Variants in GLRB observed in about 807,000 individuals in gnomAD.
GLRB encodes glycine receptor subunit beta.
Under a neutral mutation model 54.2 loss-of-function variants are expected in GLRB, and 33 were observed. The observed-to-expected ratio is 0.61, with a 90% CI of 0.46 to 0.81. GLRB has a LOEUF of 0.81. GLRB is among the 40% of genes least tolerant of loss of function. The probability of loss-of-function intolerance (pLI) is 0.00; values close to 1 mark genes in which losing one functional copy is unlikely to be tolerated. For missense variants in GLRB, 572 were observed against 584.6 expected (o/e 0.98, Z 0.22); for synonymous variants, 209 against 208.2 (o/e 1.00, Z -0.03).
intron 8 of GLRB, among the ~76,000 whole-genome samples, chr4:157,150,054 T>C (rs1246241009): frequency 6.6e-6 from 1 of 152,082 alleles, no homozygotes; most frequent in African/African-American, 2.4e-5. Context: ...ATTGAGATGA[T>C]TTTGTCATTA....
intron 9 of GLRB, among the ~76,000 whole-genome samples, chr4:157,154,670 G>A (rs764992840): frequency 4.0e-5 from 6 of 151,894 alleles, no homozygotes; most frequent in African/African-American, 9.7e-5. Context: ...CAGGTGATCC[G>A]CCCACATTGG....
At chr4:157,090,704 G>T (rs893191127) in intron 2 of GLRB, among the ~76,000 whole-genome samples, 1 of 152,020 alleles carries the variant, frequency 6.6e-6, no homozygotes, top group Admixed American at 6.6e-5. Context: ...AATTGTGATT[G>T]ATTTTATAAC....
chr4:157,168,953 C>A (rs1737818030), intron 9 of GLRB, among the ~76,000 whole-genome samples: 1 of 151,906 alleles, frequency 6.6e-6, no homozygotes, highest in African/African-American at 2.4e-5. Context: ...TTTTTGCTAT[C>A]CACCTTTGAA....
chr4:157,119,398 G>A (rs554194159), intron 2 of GLRB, among the ~76,000 whole-genome samples: 2 of 151,590 alleles, frequency 1.3e-5, no homozygotes, highest in Admixed American at 6.6e-5. Flanking sequence ...TTGTTTTTGT[G>A]TTGGCAGGCT....
chr4:157,079,201 G>A (rs1041202415), intron 2 of GLRB, among the ~76,000 whole-genome samples: 1 of 152,096 alleles, frequency 6.6e-6, no homozygotes, highest in African/African-American at 2.4e-5. Context: ...TGCAATATAT[G>A]CAGTGATTTG....
intron 2 of GLRB, among the ~76,000 whole-genome samples, chr4:157,082,060 G>A (rs1300699303): frequency 6.6e-6 from 1 of 151,928 alleles, no homozygotes; most frequent in Non-Finnish European, 1.5e-5. Flanking sequence ...CTTCTTTTTA[G>A]TTAGCCTGTG....
rs918143599 is a variant in GLRB at position 157,129,471 on chromosome 4, T to C, written c.298-6998T>C. Among the ~76,000 whole-genome samples, 4 of 151,814 alleles carry C rather than the reference T, an allele frequency of 2.6e-5. No individual in the cohort carries two copies. The South Asian group carries it at 6.2e-4, about 24-fold the overall frequency. ...TAATGAGCTTTTATCTTTTCATGAA[T>C]GTTCAACACAAACTATTAACTTAAA... On this transcript the variant is annotated intron_variant, in intron 4 of 9. Coordinates refer to ENST00000264428, the MANE Select transcript of GLRB (RefSeq NM_000824.5).
At chr4:157,170,049 T>A (rs561133807) in intron 9 of GLRB, among the ~76,000 whole-genome samples, 12 of 152,168 alleles carry the variant, frequency 7.9e-5, no homozygotes, top group Non-Finnish European at 1.5e-4. Flanking sequence ...AGAACATTTT[T>A]ATAATCCATA....
At chr4:157,152,010 G>A (rs562633390) in intron 8 of GLRB, among the ~76,000 whole-genome samples, 54 of 152,316 alleles carry the variant, frequency 3.5e-4, no homozygotes, top group African/African-American at 1.2e-3. Flanking sequence ...GAAAAAGAGA[G>A]AGGAATGGCA....
At chr4:157,084,669 G>C (rs908177358) in intron 2 of GLRB, 10 of 456,060 alleles carry the variant, frequency 2.2e-5, no homozygotes, top group African/African-American at 2.0e-4. Flanking sequence ...TTCAGAGAGA[G>C]ATTGTACCAT....
chr4:157,154,496 C>T (rs1199808760), intron 9 of GLRB, among the ~76,000 whole-genome samples: 2 of 133,880 alleles, frequency 1.5e-5, no homozygotes, highest in Admixed American at 8.4e-5. Flanking sequence ...GGCGTGATCT[C>T]GGCTCACCGC....
chr4:157,152,942 G>C lies in GLRB; in HGVS notation c.1129G>C (p.Gly377Arg). The C allele has an allele frequency of 6.2e-7, 1 of 1,613,974 alleles. No homozygotes were observed. The highest frequency in any genetic ancestry group is 8.5e-7 in the Non-Finnish European group (1 of 1,179,930). Reference sequence around the variant, plus strand: ...TAAGGCTGAGCAAGCAGATGGAAAAGGTGGAAATGTGGCTAAAAAGAATAC... The same window carrying C: ...TAAGGCTGAGCAAGCAGATGGAAAACGTGGAAATGTGGCTAAAAAGAATAC... Reference protein sequence around the residue: ...IAKAEQADGKGGNVAKKNTVN... With the variant: ...IAKAEQADGKRGNVAKKNTVN... The change falls in exon 9 of 10, where the codon GGT (glycine) becomes CGT (arginine). Residue 377 changes from glycine (G) to arginine (R), a missense_variant. Coordinates refer to ENST00000264428, the MANE Select transcript of GLRB (RefSeq NM_000824.5).
At chr4:157,123,011 G>C (rs954877474) in intron 4 of GLRB, among the ~76,000 whole-genome samples, 5 of 151,688 alleles carry the variant, frequency 3.3e-5, no homozygotes, top group African/African-American at 9.7e-5. Context: ...GAGAGGTTTG[G>C]CTGTTGTCCA....
At chr4:157,130,924 G>T (rs964488886) in intron 4 of GLRB, among the ~76,000 whole-genome samples, 1 of 151,598 alleles carries the variant, frequency 6.6e-6, no homozygotes, top group Admixed American at 6.6e-5. Context: ...GCTGATCCAA[G>T]GAAGAATTCA....
At chr4:157,149,011 A>T (rs1458656681) in intron 8 of GLRB, among the ~76,000 whole-genome samples, 2 of 152,094 alleles carry the variant, frequency 1.3e-5, no homozygotes, top group Non-Finnish European at 1.5e-5. Flanking sequence ...AGAAAAGGAA[A>T]TAATACTGAC....
intron 4 of GLRB, 82 bp downstream of exon 4, chr4:157,122,479 G>A: frequency 1.0e-5 from 6 of 574,084 alleles, no homozygotes; most frequent in South Asian, 2.4e-5. Flanking sequence ...TGAACAATAA[G>A]GAGCAACTCA....
chr4:157,147,665 G>A (rs1487624235), intron 8 of GLRB, among the ~76,000 whole-genome samples: 3 of 152,136 alleles, frequency 2.0e-5, no homozygotes, highest in Non-Finnish European at 4.4e-5. Flanking sequence ...CTGAGAGATG[G>A]AAAAAGTGCA....
chr4:157,168,141 G>C lies in GLRB; in HGVS notation c.1198-2291G>C, dbSNP rs144961470. Reference sequence around the variant, plus strand: ...TTTTTTTTTTTTTGTCAGACATTTTGCTAGATACAGAGTATAAATTGATAG... The same window carrying C: ...TTTTTTTTTTTTTGTCAGACATTTTCCTAGATACAGAGTATAAATTGATAG... On this transcript the variant is annotated intron_variant, in intron 9 of 9. Transcript: ENST00000264428. 1.4e-3 allele frequency among the ~76,000 whole-genome samples: 209 copies of C among 149,380 alleles called. 1 individual carries two copies. The highest frequency in any genetic ancestry group is 4.9e-3 in the African/African-American group (198 of 40,448).
intron 6 of GLRB, among the ~76,000 whole-genome samples, 189 bp downstream of exon 6, chr4:157,137,075 A>G (rs921208668): frequency 2.0e-5 from 3 of 152,176 alleles, no homozygotes; most frequent in African/African-American, 7.2e-5. Context: ...TATTAAGATA[A>G]ATCATTTTTG....
Sources: allele counts gnomAD v4.1 joint callset (sites outside exome capture counted in the v4.1 genomes callset), GRCh38; gene constraint gnomAD v4.1.1; transcripts MANE v1.5; gene names NCBI Gene and HGNC (gene_info 2026-07-23, HGNC 2026-07-21).